PHLDB3: variants seen among roughly 807,000 people sequenced by gnomAD.
PHLDB3 encodes the protein pleckstrin homology like domain family B member 3.
Under a neutral mutation model 85.7 loss-of-function variants are expected in PHLDB3, and 86 were observed. That is an observed-to-expected ratio of 1.00 (90% CI 0.84 to 1.20). The LOEUF (loss-of-function observed/expected upper bound fraction) is 1.20, where lower values mean the gene tolerates loss of function less well. Among genes scored for constraint, PHLDB3 ranks in the 50% most tolerant of loss-of-function variants. PHLDB3 has a pLI of 0.00. For missense variants in PHLDB3, 995 were observed against 873.0 expected, an observed-to-expected ratio of 1.14 and a Z score of -1.76; for synonymous variants, 376 against 349.8, an observed-to-expected ratio of 1.07 and a Z score of -0.83.
rs556988201 is a variant in PHLDB3 at position 43,494,509 on chromosome 19, G to GA, written c.1149+192dup. ...CCAGGGCAGGGGTGGGTGTTACACA[G>GA]AAAAAAAATAACAATAATAAAGCTG... On this transcript the variant is annotated intron_variant, in intron 9 of 15. Coordinates refer to ENST00000292140, the MANE Select transcript of PHLDB3 (RefSeq NM_198850.4). 9.9e-5 allele frequency among the ~76,000 whole-genome samples: 15 copies of GA among 151,898 alleles called. No individual in the cohort carries two copies. In the South Asian group the frequency reaches 2.7e-3, roughly 27 times the overall value.
At chr19:43,476,881 T>C (rs1484479833) in intron 15 of PHLDB3, among the ~76,000 whole-genome samples, 2 of 151,562 alleles carry the variant, frequency 1.3e-5, no homozygotes, top group East Asian at 1.9e-4. Flanking sequence ...AAAATAAATA[T>C]AAGACAACAC....
intron 9 of PHLDB3, among the ~76,000 whole-genome samples, chr19:43,488,495 G>A (rs1015016682): frequency 6.6e-6 from 1 of 151,944 alleles, no homozygotes; most frequent in African/African-American, 2.4e-5. Flanking sequence ...AAAACCCACC[G>A]TGCTGGTGGC....
At position 43,497,252 on chromosome 19, in the gene PHLDB3, G is replaced by A. The variant is rs767193956; in HGVS notation, c.691C>T (p.Arg231Cys). 26 of 1,494,180 alleles carry A rather than the reference G, an allele frequency of 1.7e-5. No individual in the cohort carries two copies. Among genetic ancestry groups the A allele is most frequent in the African/African-American group, 2.9e-5 (2 of 69,484 alleles). The allele number at this position is 1,494,180 out of a possible 1,614,324, so 92.6% of individuals were successfully genotyped here. ...EMREQLDVAQ[R>C]AYEDLEFQQL... is the part of the protein sequence containing the mutation. ...TGGAACTCCAGGTCCTCATAGGCAC[G>A]TTGGGCCACATCCAGTTGTTCCCTC... The change falls in exon 6 of 16, where the codon CGT (arginine) becomes TGT (cysteine). Residue 231 changes from arginine (R) to cysteine (C), a missense_variant. Arg to Cys is a radical substitution (Grantham distance 180). Coordinates refer to ENST00000292140, the MANE Select transcript of PHLDB3 (RefSeq NM_198850.4).
Position 43,501,726 on chromosome 19 carries a change from AAAC to A in PHLDB3, c.534+5_534+7del. The A allele has an allele frequency of 9.5e-7, 1 of 1,053,806 alleles. No individual in the cohort carries two copies. The allele number at this position is 1,053,806 out of a possible 1,614,324, so 65.3% of individuals were successfully genotyped here. A position where few individuals can be genotyped will look rare whatever the true frequency, so the allele number is the denominator to read the frequency against. On this transcript the variant is annotated splice_donor_5th_base_variant and intron_variant, in intron 4 of 15. Transcript: ENST00000292140. ...ACTGCTGATGAAGACCCGGTGAGCCAAACAGACCTGTTCCCGCTGCTGGCGGCC... is the reference window on the plus strand; with the variant it reads ...ACTGCTGATGAAGACCCGGTGAGCCAAGACCTGTTCCCGCTGCTGGCGGCC...
At chr19:43,477,660 C>A (rs770847432) in intron 15 of PHLDB3, among the ~76,000 whole-genome samples, 1 of 150,320 alleles carries the variant, frequency 6.7e-6, no homozygotes, top group East Asian at 1.9e-4. Flanking sequence ...ACTAAAAATA[C>A]AAAAATTAGC....
In PHLDB3 at chr19:43,504,059, G is replaced by A. The variant is rs147009994; in HGVS notation, c.60C>T (p.Asp20=). 7.3e-5 allele frequency: 118 copies of A among 1,613,606 alleles called. 1 individual carries two copies. The African/African-American group carries it at 1.3e-3, about 18-fold the overall frequency. ...GATGGCCCTGGGGCTGGACCTCCAC[G>A]TCGCATTCCGGGACCAGCGGCGGCG... The part of the protein sequence containing the change: ...GTPPPLVPEC[D]VEVQPQGHPE... The change falls in exon 2 of 16, where the codon GAC becomes GAT. Residue 20 remains aspartate (D), a synonymous_variant. Transcript: ENST00000292140.
At chr19:43,487,875 C>T (rs1971218435) in intron 9 of PHLDB3, among the ~76,000 whole-genome samples, 1 of 151,896 alleles carries the variant, frequency 6.6e-6, no homozygotes, top group African/African-American at 2.4e-5. Flanking sequence ...CACTGTGGGC[C>T]AGGTGTGGTG....
Position 43,477,937 on chromosome 19 carries a change from G to C in PHLDB3, c.1788+110C>G, listed in dbSNP as rs553578216. ...AAACACGTACTCCTATGAGTACCCT[G>C]ACAGGAGAAGCTGCGGGTGGCTTTC... On this transcript the variant is annotated intron_variant, in intron 15 of 15. Transcript: ENST00000292140. The C allele has an allele frequency of 8.1e-6, 6 of 743,046 alleles. No individual in the cohort carries two copies. In the African/African-American group the frequency reaches 1.0e-4, roughly 13 times the overall value. The allele number at this position is 743,046 out of a possible 1,614,324, so 46.0% of individuals were successfully genotyped here.
In PHLDB3 at chr19:43,504,570, C is replaced by G; in HGVS notation, c.-15+19G>C. 6.0e-6 allele frequency: 1 copy of G among 166,450 alleles called. No homozygotes were observed. Among genetic ancestry groups the G allele is most frequent in the Non-Finnish European group, 1.3e-5 (1 of 77,812 alleles). 10.3% of individuals were successfully genotyped at this position (166,450 alleles called of 1,614,324 possible). A position where few individuals can be genotyped will look rare whatever the true frequency, so the allele number is the denominator to read the frequency against. On this transcript the variant is annotated intron_variant, in intron 1 of 15. Coordinates refer to ENST00000292140, the MANE Select transcript of PHLDB3 (RefSeq NM_198850.4). ...TCCCGACCCCACTGTGCAGGGCAAC[C>G]GTGCCCACGCCGCCTCACCCAGGGA...
intron 15 of PHLDB3, 113 bp downstream of exon 15, chr19:43,477,934 C>T (rs901332936): frequency 2.8e-6 from 2 of 716,032 alleles, no homozygotes; most frequent in Admixed American, 2.6e-5. Flanking sequence ...CTATGAGTAC[C>T]CTGACAGGAG....
At chr19:43,494,140 T>A (rs577474536) in intron 9 of PHLDB3, among the ~76,000 whole-genome samples, 17 of 152,226 alleles carry the variant, frequency 1.1e-4, no homozygotes, top group Admixed American at 9.8e-4. Context: ...TTCAAGTAAT[T>A]CTCGTGCCTC....
Position 43,504,097 on chromosome 19 carries a change from C to A in PHLDB3, c.22G>T (p.Glu8Ter), listed in dbSNP as rs571503710. The change falls in exon 2 of 16, where the codon GAG (glutamate) becomes TAG (stop). Residue 8 changes from glutamate (E) to a stop codon, truncating the protein, a stop_gained. Transcript: ENST00000292140. LOFTEE classifies it high-confidence loss of function. ...ACCAGCGGCGGCGGGGTCCCCTCCT[C>A]GGGGCTGCTTCGCGTCCCCATGGCC... MGTRSSP[E>*]EGTPPPLVPE... 2.2e-5 allele frequency: 35 copies of A among 1,606,328 alleles called. No homozygotes were observed. Among genetic ancestry groups the A allele is most frequent in the Non-Finnish European group, 2.8e-5 (33 of 1,176,962 alleles).
chr19:43,501,732 A>G lies in PHLDB3; in HGVS notation c.534+2T>C. Reference sequence around the variant, plus strand: ...GATGAAGACCCGGTGAGCCAAACAGACCTGTTCCCGCTGCTGGCGGCCGCG... The same window carrying G: ...GATGAAGACCCGGTGAGCCAAACAGGCCTGTTCCCGCTGCTGGCGGCCGCG... On this transcript the variant is annotated splice_donor_variant, in intron 4 of 15. Transcript: ENST00000292140. LOFTEE classifies it high-confidence loss of function. 6.3e-7 allele frequency: 1 copy of G among 1,581,716 alleles called. No homozygotes were observed. Among genetic ancestry groups the G allele is most frequent in the Non-Finnish European group, 8.5e-7 (1 of 1,170,164 alleles).
chr19:43,499,015 G>A (rs1971529586), intron 4 of PHLDB3, among the ~76,000 whole-genome samples: 1 of 152,102 alleles, frequency 6.6e-6, no homozygotes, highest in South Asian at 2.1e-4. Flanking sequence ...AGCCTCAGAA[G>A]GACTGAAAGG....
chr19:43,488,703 C>T (rs1971241895), intron 9 of PHLDB3, among the ~76,000 whole-genome samples: 1 of 152,228 alleles, frequency 6.6e-6, no homozygotes, highest in East Asian at 1.9e-4. Context: ...AAGGTGATTC[C>T]CTGCAGTGCC....
In PHLDB3 at chr19:43,497,237, G is replaced by A. The variant is rs762523790; in HGVS notation, c.706C>T (p.Leu236=). 1 of 1,524,934 alleles carries A rather than the reference G, an allele frequency of 6.6e-7. No homozygotes were observed. The highest frequency in any genetic ancestry group is 8.8e-7 in the Non-Finnish European group (1 of 1,137,960). 94.5% of individuals were successfully genotyped at this position (1,524,934 alleles called of 1,614,324 possible). A position where few individuals can be genotyped will look rare whatever the true frequency, so the allele number is the denominator to read the frequency against. Residue 236 remains leucine, a synonymous_variant, in exon 6 of 16, where the codon CTG becomes TTG. Transcript: ENST00000292140. ...TCCCGCTCCAGTTGCTGGAACTCCA[G>A]GTCCTCATAGGCACGTTGGGCCACA... The part of the protein sequence containing the change: ...LDVAQRAYED[L]EFQQLERESR...
intron 15 of PHLDB3, among the ~76,000 whole-genome samples, chr19:43,475,983 A>G (rs563784717): frequency 1.3e-5 from 2 of 152,120 alleles, no homozygotes; most frequent in Non-Finnish European, 2.9e-5. Context: ...TTTAGTACAG[A>G]CCAGGGTTTC....
At chr19:43,502,631 T>C (rs1422325572) in intron 2 of PHLDB3, among the ~76,000 whole-genome samples, 2 of 147,600 alleles carry the variant, frequency 1.4e-5, no homozygotes, top group African/African-American at 2.5e-5. Flanking sequence ...TTTTTTTTTT[T>C]TTTTGGCAGA....
At chr19:43,479,653 C>T in intron 13 of PHLDB3, 60 bp from the exon 14 acceptor site, 1 of 1,250,822 alleles carries the variant, frequency 8.0e-7, no homozygotes, top group Non-Finnish European at 1.1e-6. Flanking sequence ...CAGCCTGGAG[C>T]CCCTCGAGGG....
Sources: allele counts gnomAD v4.1 joint callset (sites outside exome capture counted in the v4.1 genomes callset), GRCh38; gene constraint gnomAD v4.1.1; transcripts MANE v1.5; gene names NCBI Gene and HGNC (gene_info 2026-07-23, HGNC 2026-07-21).